Variants in CHI3L1 observed in about 807,000 individuals in gnomAD.
CHI3L1 encodes chitinase 3 like 1, also known as chitinase-3-like protein 1.
In CHI3L1, 30 loss-of-function variants were observed where a neutral mutation model predicts 40.7. That is an observed-to-expected ratio of 0.74 (90% CI 0.55 to 1.00). CHI3L1 has a LOEUF of 1.00. Ranked by LOEUF, CHI3L1 falls within the 50% of genes least tolerant of loss-of-function variation. The pLI is 0.00. For missense variants in CHI3L1, 493 were observed against 492.2 expected, an observed-to-expected ratio of 1.00 and a Z score of -0.01; for synonymous variants, 210 against 192.1, an observed-to-expected ratio of 1.09 and a Z score of -0.77.
At chr1:203,181,060 C>T in intron 7 of CHI3L1, 102 bp downstream of exon 7, 2 of 1,437,144 alleles carry the variant, frequency 1.4e-6, no homozygotes. Flanking sequence ...TGACCCCCCT[C>T]TTGCAGGACT....
chr1:203,184,733 G>T, intron 3 of CHI3L1, 101 bp from the exon 4 acceptor site: 1 of 1,006,064 alleles, frequency 9.9e-7, no homozygotes. Flanking sequence ...TCCTGCTTTG[G>T]GTGAGAGGCT....
At position 203,182,808 on chromosome 1, in the gene CHI3L1, C is replaced by T. The variant is rs1655963801; in HGVS notation, c.510G>A (p.Lys170=). The change falls in exon 6 of 10, where the codon AAG becomes AAA. Residue 170 remains lysine (K), a synonymous_variant. Coordinates refer to ENST00000255409, the MANE Select transcript of CHI3L1 (RefSeq NM_001276.4). ...EFIKEAQPGK[K]QLLLSAALSA... is the part of the protein sequence containing the mutation. Reference sequence around the variant, plus strand: ...ACAGTGCTGCGCTGAGCAGGAGCTGCTTTTTCCCTGGCTGGGCTTCCTTTA... The same window carrying T: ...ACAGTGCTGCGCTGAGCAGGAGCTGTTTTTTCCCTGGCTGGGCTTCCTTTA... The T allele has an allele frequency of 6.2e-7, 1 of 1,614,160 alleles. No individual in the cohort carries two copies. The highest frequency in any genetic ancestry group is 1.3e-5 in the African/African-American group (1 of 75,044).
chr1:203,185,971 C>T (rs915976434), intron 2 of CHI3L1, among the ~76,000 whole-genome samples: 1 of 152,178 alleles, frequency 6.6e-6, no homozygotes, highest in Non-Finnish European at 1.5e-5. Context: ...CCTTCCTCGC[C>T]TCTAATTCTG....
Position 203,180,662 on chromosome 1 carries a change from G to GGT in CHI3L1, c.712-11_712-10insAC. On this transcript the variant is annotated splice_polypyrimidine_tract_variant and intron_variant, in intron 7 of 9. Transcript: ENST00000255409. Reference sequence around the variant, plus strand: ...ACCCCACAGCATAGTCCTGGGTGGGGTAGGGTGGGAACAACGTGAGCAGTT... The same window carrying GGT: ...ACCCCACAGCATAGTCCTGGGTGGGGGTTAGGGTGGGAACAACGTGAGCAGTT... The GGT allele has an allele frequency of 2.4e-5, 18 of 753,626 alleles. No individual in the cohort carries two copies. Among genetic ancestry groups the GGT allele is most frequent in the East Asian group, 7.5e-5 (2 of 26,666 alleles). 46.7% of individuals were successfully genotyped at this position (753,626 alleles called of 1,614,324 possible).
intron 1 of CHI3L1, 66 bp downstream of exon 1, chr1:203,186,533 C>CT: frequency 4.4e-6 from 7 of 1,596,914 alleles, no homozygotes; most frequent in Non-Finnish European, 5.2e-6. Context: ...AGGCAGATGG[C>CT]TCTGCGGGCT....
chr1:203,181,257 A>G lies in CHI3L1; in HGVS notation c.616T>C (p.Tyr206His), dbSNP rs139024042. ...QHLDFISIMT[Y>H]DFHGAWRGTT... Reference sequence around the variant, plus strand: ...CCACGCCAGGCTCCATGAAAATCGTAGGTCATGATGCTAATGAAATCCAGG... The same window carrying G: ...CCACGCCAGGCTCCATGAAAATCGTGGGTCATGATGCTAATGAAATCCAGG... The change falls in exon 7 of 10, where the codon TAC becomes CAC. Residue 206 changes from tyrosine to histidine, a missense_variant. Transcript: ENST00000255409. 2.6e-5 allele frequency: 42 copies of G among 1,614,018 alleles called. No individual in the cohort carries two copies. The African/African-American group carries it at 5.5e-4, about 21-fold the overall frequency.
intron 6 of CHI3L1, 29 bp from the exon 7 acceptor site, chr1:203,181,314 C>T: frequency 6.2e-7 from 1 of 1,610,136 alleles, no homozygotes; most frequent in Non-Finnish European, 8.5e-7. Context: ...GAGGGTGAGG[C>T]AGGAAATTAT....
At chr1:203,180,784 C>T (rs528031707) in intron 7 of CHI3L1, 132 bp from the exon 8 acceptor site, 474 of 665,836 alleles carry the variant, frequency 7.1e-4, no homozygotes, top group African/African-American at 1.9e-3. Flanking sequence ...CCTCCGGGAA[C>T]GGATCATGTC....
At chr1:203,181,379 T>G in intron 6 of CHI3L1, 94 bp from the exon 7 acceptor site, 1 of 1,411,386 alleles carries the variant, frequency 7.1e-7, no homozygotes, top group Non-Finnish European at 9.7e-7. Context: ...TCCCAGCACT[T>G]TGGGAGGCCG....
Position 203,183,623 on chromosome 1 carries a change from C to T in CHI3L1, c.465+18G>A. 1.2e-6 allele frequency: 2 copies of T among 1,613,850 alleles called. No individual in the cohort carries two copies. Among genetic ancestry groups the T allele is most frequent in the Non-Finnish European group, 1.7e-6 (2 of 1,179,946 alleles). On this transcript the variant is annotated intron_variant, in intron 5 of 9. Transcript: ENST00000255409. The stretch of plus-strand genomic sequence containing the variant: ...CATGCCTGCCCACCTCCCTCCCTGT[C>T]CCTGACCTGACCAGCACCTTGATTA...
At chr1:203,185,099 G>T in intron 3 of CHI3L1, 85 bp downstream of exon 3, 1 of 1,135,894 alleles carries the variant, frequency 8.8e-7, no homozygotes, top group Non-Finnish European at 1.3e-6. Flanking sequence ...GCAGGGTGGG[G>T]CCTCGCCCTT....
intron 6 of CHI3L1, among the ~76,000 whole-genome samples, chr1:203,182,289 C>G (rs1320700803): frequency 6.6e-6 from 1 of 152,036 alleles, no homozygotes; most frequent in Non-Finnish European, 1.5e-5. Context: ...GTGGGGCCAA[C>G]AGGAAAGGGG....
chr1:203,182,546 A>G (rs1170051212), intron 6 of CHI3L1, among the ~76,000 whole-genome samples, 185 bp downstream of exon 6: 1 of 152,234 alleles, frequency 6.6e-6, no homozygotes, highest in Non-Finnish European at 1.5e-5. Context: ...CTCATTTGAC[A>G]GATGGGGAAA....
At position 203,179,454 on chromosome 1, in the gene CHI3L1, AGCGAG is replaced by A. The variant is rs747751870; in HGVS notation, c.1138_1142del (p.Leu380CysfsTer28). On this transcript the variant is annotated frameshift_variant, in exon 10 of 10. Coordinates refer to ENST00000255409, the MANE Select transcript of CHI3L1 (RefSeq NM_001276.4). LOFTEE classifies it high-confidence loss of function. ...TGTGCAGAACAGAGGGCTACGTTGCAGCGAGTGCATCCTTGATGGCATTGGTGAGA... is the reference window on the plus strand; with the variant it reads ...TGTGCAGAACAGAGGGCTACGTTGCATGCATCCTTGATGGCATTGGTGAGA... 4.6e-6 allele frequency: 7 copies of A among 1,537,258 alleles called. No homozygotes were observed. In the East Asian group the frequency reaches 6.8e-5, roughly 15 times the overall value.
chr1:203,186,230 C>T (rs959228301), intron 2 of CHI3L1, 86 bp downstream of exon 2: 3 of 1,421,996 alleles, frequency 2.1e-6, no homozygotes, highest in Non-Finnish European at 2.9e-6. Flanking sequence ...GCAAAGTGTT[C>T]CCTTGGAGCT....
At chr1:203,180,346 T>A in intron 8 of CHI3L1, 124 bp downstream of exon 8, 1 of 926,206 alleles carries the variant, frequency 1.1e-6, no homozygotes, top group Non-Finnish European at 1.6e-6. Context: ...TCCTCAGGCA[T>A]GCTGGGGCAA....
At chr1:203,184,915 T>C (rs1229783141) in intron 3 of CHI3L1, among the ~76,000 whole-genome samples, 1 of 152,094 alleles carries the variant, frequency 6.6e-6, no homozygotes, top group Non-Finnish European at 1.5e-5. Flanking sequence ...GTCTTGCTCA[T>C]TTTCCATGCT....
Position 203,178,947 on chromosome 1 carries a change from T to A in CHI3L1, c.*498A>T, listed in dbSNP as rs1655867741. On this transcript the variant is annotated 3_prime_UTR_variant, in exon 10 of 10. Transcript: ENST00000255409. ...GCGCCAACACACTGTTAAGCTCTTG[T>A]ACTTTATTGAGCAGCTGTGGAATTA... 1 of 154,242 alleles carries A rather than the reference T, an allele frequency of 6.5e-6. No individual in the cohort carries two copies. 9.6% of individuals were successfully genotyped at this position (154,242 alleles called of 1,614,324 possible).
At position 203,179,546 on chromosome 1, in the gene CHI3L1, C is replaced by A. The variant is rs148314652; in HGVS notation, c.1051G>T (p.Val351Leu). The A allele has an allele frequency of 3.7e-6, 6 of 1,607,948 alleles. No homozygotes were observed. The highest frequency in any genetic ancestry group is 5.1e-6 in the Non-Finnish European group (6 of 1,175,076). Residue 351 changes from valine to leucine, a missense_variant, in exon 10 of 10, where the codon GTA becomes TTA. By Grantham distance (32) the Val-to-Leu change is conservative. Transcript: ENST00000255409. Reference protein sequence around the residue: ...LKDRQLAGAMVWALDLDDFQG... With the variant: ...LKDRQLAGAMLWALDLDDFQG... ...AAGTCATCCAGGTCCAGGGCCCATACCATGGCGCCCGCCAGCTGCCTGTCC... is the reference window on the plus strand; with the variant it reads ...AAGTCATCCAGGTCCAGGGCCCATAACATGGCGCCCGCCAGCTGCCTGTCC...
Sources: gnomAD v4.1 joint callset for allele counts (sites outside exome capture counted in the v4.1 genomes callset) on GRCh38, gnomAD v4.1.1 for gene constraint, MANE v1.5 for transcripts, NCBI Gene and HGNC (gene_info 2026-07-23, HGNC 2026-07-21) for gene names.